CDH10: variants seen among roughly 807,000 people sequenced by gnomAD.
CDH10 encodes the protein cadherin 10.
In CDH10, 30 loss-of-function variants were observed where a neutral mutation model predicts 73.1. The observed-to-expected ratio is 0.41, with a 90% CI of 0.31 to 0.56. The LOEUF is 0.56. Ranked by LOEUF, CDH10 falls within the 20% of genes least tolerant of loss-of-function variation. The pLI is 0.27. For missense variants in CDH10, 815 were observed against 973.7 expected, an observed-to-expected ratio of 0.84 and a Z score of 2.17; for synonymous variants, 345 against 348.2, an observed-to-expected ratio of 0.99 and a Z score of 0.10.
At chr5:24,506,915 A>T (rs984547465) in intron 7 of CDH10, among the ~76,000 whole-genome samples, 5 of 152,222 alleles carry the variant, frequency 3.3e-5, no homozygotes, top group African/African-American at 1.2e-4. Context: ...AGAATGAAGA[A>T]GTAATGACAA....
intron 1 of CDH10, among the ~76,000 whole-genome samples, chr5:24,616,484 A>T (rs1747132999): frequency 6.6e-6 from 1 of 152,212 alleles, no homozygotes; most frequent in Admixed American, 6.5e-5. Context: ...TGAATGGTAG[A>T]AATAAATGGC....
intron 2 of CDH10, among the ~76,000 whole-genome samples, chr5:24,591,112 A>G (rs1039118494): frequency 9.2e-5 from 14 of 152,016 alleles, no homozygotes; most frequent in African/African-American, 2.9e-4. Context: ...TTAAAATATC[A>G]TATGTTAAAC....
intron 1 of CDH10, among the ~76,000 whole-genome samples, chr5:24,626,479 C>T (rs1009553346): frequency 1.4e-4 from 21 of 151,990 alleles, no homozygotes; most frequent in African/African-American, 5.1e-4. Flanking sequence ...GAGTTACCCA[C>T]GTTAAGCATG....
chr5:24,567,096 G>A (rs755425823), intron 2 of CDH10, among the ~76,000 whole-genome samples: 5 of 151,900 alleles, frequency 3.3e-5, no homozygotes, highest in Non-Finnish European at 5.9e-5. Context: ...CCATATTAAG[G>A]ATGCTCAGCA....
At chr5:24,502,623 A>T (rs926117408) in intron 8 of CDH10, among the ~76,000 whole-genome samples, 8 of 152,218 alleles carry the variant, frequency 5.3e-5, no homozygotes, top group Non-Finnish European at 7.3e-5. Flanking sequence ...GACAAAAAAA[A>T]GATTCAGTCC....
intron 5 of CDH10, among the ~76,000 whole-genome samples, chr5:24,514,669 T>G (rs1743044991): frequency 6.6e-6 from 1 of 152,190 alleles, no homozygotes; most frequent in African/African-American, 2.4e-5. Context: ...ATTGTTGATG[T>G]TAAGTGTTTA....
At chr5:24,528,307 T>A (rs1380530282) in intron 5 of CDH10, among the ~76,000 whole-genome samples, 1 of 151,930 alleles carries the variant, frequency 6.6e-6, no homozygotes, top group Non-Finnish European at 1.5e-5. Flanking sequence ...CCTTGGGGCA[T>A]ACCTGACAGT....
At chr5:24,524,608 C>A (rs1743457656) in intron 5 of CDH10, among the ~76,000 whole-genome samples, 1 of 152,006 alleles carries the variant, frequency 6.6e-6, no homozygotes, top group Non-Finnish European at 1.5e-5. Context: ...CATCTGCTCC[C>A]CTTTTAATGT....
rs150973833 is a variant in CDH10 at position 24,639,324 on chromosome 5, AAC to A, written c.-124+5268_-124+5269del. 3.9e-3 allele frequency among the ~76,000 whole-genome samples: 593 copies of A among 151,792 alleles called. 4 individuals carry two copies. Among genetic ancestry groups the A allele is most frequent in the African/African-American group, 0.014 (566 of 41,528 alleles). On this transcript the variant is annotated intron_variant, in intron 1 of 11. Coordinates refer to ENST00000264463, the MANE Select transcript of CDH10 (RefSeq NM_006727.5). ...GGAGCTATATTTTTACGAAAGGAGA[AAC>A]AGTTACATTTTAAAAGTTTGTATTA...
At chr5:24,525,345 T>A (rs1045324807) in intron 5 of CDH10, among the ~76,000 whole-genome samples, 3 of 152,066 alleles carry the variant, frequency 2.0e-5, no homozygotes, top group Non-Finnish European at 4.4e-5. Context: ...ATCATATATA[T>A]GAATCAACAA....
At chr5:24,631,978 C>T (rs1009013274) in intron 1 of CDH10, among the ~76,000 whole-genome samples, 2 of 151,966 alleles carry the variant, frequency 1.3e-5, no homozygotes, top group East Asian at 1.9e-4. Flanking sequence ...ACAGAAAATA[C>T]ATTTTTTGCC....
chr5:24,581,985 CAG>C (rs1745820419), intron 2 of CDH10, among the ~76,000 whole-genome samples: 1 of 152,098 alleles, frequency 6.6e-6, no homozygotes, highest in South Asian at 2.1e-4. Context: ...CATCAAATAA[CAG>C]GAACTCATTC....
At chr5:24,549,607 A>G (rs1163546909) in intron 2 of CDH10, among the ~76,000 whole-genome samples, 1 of 145,762 alleles carries the variant, frequency 6.9e-6, no homozygotes, top group Non-Finnish European at 1.5e-5. Flanking sequence ...GCTGAAGTGC[A>G]ATGGCACAAT....
At chr5:24,494,263 TAA>T (rs2111658384) in intron 9 of CDH10, among the ~76,000 whole-genome samples, 1 of 152,044 alleles carries the variant, frequency 6.6e-6, no homozygotes, top group South Asian at 2.1e-4. Flanking sequence ...TTAAAATTAA[TAA>T]AGTCAAAATA....
chr5:24,497,277 C>T (rs1194762546), intron 9 of CDH10, among the ~76,000 whole-genome samples: 1 of 151,848 alleles, frequency 6.6e-6, no homozygotes, highest in Non-Finnish European at 1.5e-5. Context: ...GCGATGTATG[C>T]AGCAGTAGCA....
chr5:24,575,546 A>G (rs7729365), intron 2 of CDH10, among the ~76,000 whole-genome samples: 57,613 of 151,494 alleles, frequency 0.38, 13,220 homozygotes, highest in East Asian at 0.53. Context: ...TTAAAATATA[A>G]TATTTTTGAA....
At chr5:24,577,008 A>T (rs1306963311) in intron 2 of CDH10, among the ~76,000 whole-genome samples, 2 of 36,744 alleles carry the variant, frequency 5.4e-5, no homozygotes, top group East Asian at 6.7e-4. Context: ...TAAAATATTA[A>T]AAAAAAAAAA....
At position 24,601,354 on chromosome 5, in the gene CDH10, A is replaced by G. The variant is rs1207829514; in HGVS notation, c.-123-7741T>C. 3.9e-5 allele frequency among the ~76,000 whole-genome samples: 6 copies of G among 152,208 alleles called. No individual in the cohort carries two copies. The South Asian group carries it at 6.2e-4, about 16-fold the overall frequency. Reference sequence around the variant, plus strand: ...AACAGTTAGTGTCATAACCAGAAATATAACTTGGGTCACCAGATTCCCTTT... The same window carrying G: ...AACAGTTAGTGTCATAACCAGAAATGTAACTTGGGTCACCAGATTCCCTTT... On this transcript the variant is annotated intron_variant, in intron 1 of 11. Transcript: ENST00000264463.
intron 1 of CDH10, among the ~76,000 whole-genome samples, chr5:24,620,770 C>T (rs1033693561): frequency 3.9e-5 from 6 of 151,900 alleles, no homozygotes; most frequent in African/African-American, 7.3e-5. Flanking sequence ...TTTTGTTAAG[C>T]GGTGCCCATA....
Sources: gnomAD v4.1 joint callset for allele counts (sites outside exome capture counted in the v4.1 genomes callset) on GRCh38, gnomAD v4.1.1 for gene constraint, MANE v1.5 for transcripts, NCBI Gene and HGNC (gene_info 2026-07-23, HGNC 2026-07-21) for gene names.